The following GALNT1 variants were observed in gnomAD, a reference collection of about 807,000 sequenced individuals.
GALNT1 encodes the protein polypeptide N-acetylgalactosaminyltransferase 1.
A neutral mutation model predicts 65.7 loss-of-function variants in GALNT1; 17 were observed. That is an observed-to-expected ratio of 0.26 (90% CI 0.18 to 0.39). The LOEUF is 0.39. Among genes scored for constraint, GALNT1 ranks in the 10% least tolerant of loss-of-function variants. The pLI, the probability that GALNT1 is intolerant of heterozygous loss-of-function variation, is 1.00. For synonymous variants in GALNT1, 210 were observed against 219.7 expected (o/e 0.96, Z 0.39); for missense variants, 460 against 672.8 (o/e 0.68, Z 3.50).
chr18:35,581,152 C>G (rs1362015278), upstream of GALNT1: 1 of 151,720 alleles, frequency 6.6e-6, no homozygotes, highest in Non-Finnish European at 1.5e-5. Context: ...GCCCGGGAGC[C>G]GATCCGCTGT....
At chr18:35,693,066 T>C (rs2047994017) in intron 9 of GALNT1, among the ~76,000 whole-genome samples, 1 of 152,164 alleles carries the variant, frequency 6.6e-6, no homozygotes, top group Non-Finnish European at 1.5e-5. Context: ...ACACAATATG[T>C]CAGGTGGTGG....
At chr18:35,688,023 T>C (rs2144638070) in intron 6 of GALNT1, among the ~76,000 whole-genome samples, 1 of 152,316 alleles carries the variant, frequency 6.6e-6, no homozygotes, top group Non-Finnish European at 1.5e-5. Flanking sequence ...AAGGGACTTT[T>C]CTTCTCTTTA....
chr18:35,630,530 A>C (rs2046991805), intron 1 of GALNT1, among the ~76,000 whole-genome samples: 1 of 152,248 alleles, frequency 6.6e-6, no homozygotes, highest in South Asian at 2.1e-4. Flanking sequence ...AACATACCAG[A>C]ATCTCTGGGA....
chr18:35,674,982 CAAAAAAAAAAAAAA>C (rs150477892), intron 3 of GALNT1, among the ~76,000 whole-genome samples: 4 of 30,300 alleles, frequency 1.3e-4, no homozygotes, highest in African/African-American at 3.0e-4. Flanking sequence ...GACTCCGTCT[CAAAAAAAAAAAAAA>C]AAAAAAAAAA....
At chr18:35,638,523 A>G (rs902766746) in intron 1 of GALNT1, among the ~76,000 whole-genome samples, 1 of 149,550 alleles carries the variant, frequency 6.7e-6, no homozygotes, top group African/African-American at 2.5e-5. Flanking sequence ...GCCAGGTTCT[A>G]CTAAGTAAAC....
At chr18:35,652,285 T>A (rs1854093129) in intron 1 of GALNT1, among the ~76,000 whole-genome samples, 1 of 152,184 alleles carries the variant, frequency 6.6e-6, no homozygotes, top group Non-Finnish European at 1.5e-5. Flanking sequence ...GTGGACATTC[T>A]TTCTTTGTTA....
At chr18:35,642,305 G>T (rs2047174366) in intron 1 of GALNT1, among the ~76,000 whole-genome samples, 1 of 152,200 alleles carries the variant, frequency 6.6e-6, no homozygotes, top group Admixed American at 6.5e-5. Context: ...TGGATGCATG[G>T]ATGGATCCAA....
At chr18:35,610,612 T>A (rs1371274808) in intron 1 of GALNT1, among the ~76,000 whole-genome samples, 1 of 152,220 alleles carries the variant, frequency 6.6e-6, no homozygotes, top group Non-Finnish European at 1.5e-5. Context: ...CTTAATCCAG[T>A]AGTTCTCTAA....
intron 10 of GALNT1, 103 bp from the exon 11 acceptor site, chr18:35,703,406 C>T: frequency 9.5e-7 from 1 of 1,055,044 alleles, no homozygotes; most frequent in South Asian, 1.6e-5. Context: ...GTACATAAAT[C>T]ATGTACCTTG....
At chr18:35,648,371 G>A (rs523758) in intron 1 of GALNT1, among the ~76,000 whole-genome samples, 3,625 of 152,272 alleles carry the variant, frequency 0.024, 63 homozygotes, top group Middle Eastern at 0.037. Context: ...TTTAAGGTAG[G>A]CTAGGCTAAG....
intron 4 of GALNT1, among the ~76,000 whole-genome samples, chr18:35,682,963 ATTTG>A (rs1337727882): frequency 2.3e-4 from 35 of 151,510 alleles, no homozygotes; most frequent in East Asian, 1.7e-3. Context: ...CAACAAGACA[ATTTG>A]TTTGTGCTTC....
intron 1 of GALNT1, among the ~76,000 whole-genome samples, chr18:35,623,971 A>T (rs768100463): frequency 3.3e-5 from 5 of 152,030 alleles, no homozygotes; most frequent in Non-Finnish European, 5.9e-5. Context: ...TATACTGGAT[A>T]TTGTGGATAA....
chr18:35,688,173 CA>C (rs1209115349), intron 6 of GALNT1, among the ~76,000 whole-genome samples: 2 of 152,164 alleles, frequency 1.3e-5, no homozygotes, highest in East Asian at 3.8e-4. Flanking sequence ...ATTTAGCACA[CA>C]AAAAACTCAG....
At chr18:35,688,587 G>A (rs990774226) in intron 6 of GALNT1, among the ~76,000 whole-genome samples, 7 of 152,184 alleles carry the variant, frequency 4.6e-5, no homozygotes, top group African/African-American at 1.4e-4. Flanking sequence ...ATACCACACA[G>A]TCAGGAAGGA....
chr18:35,603,806 A>G (rs966713378), intron 1 of GALNT1, among the ~76,000 whole-genome samples: 1 of 152,162 alleles, frequency 6.6e-6, no homozygotes, highest in African/African-American at 2.4e-5. Context: ...GAGCCAGTAA[A>G]TTTCCTCGTG....
At chr18:35,618,366 C>G (rs986164863) in intron 1 of GALNT1, among the ~76,000 whole-genome samples, 1 of 152,062 alleles carries the variant, frequency 6.6e-6, no homozygotes, top group Admixed American at 6.6e-5. Context: ...AAGCTTGAGA[C>G]TAGACTGTAA....
intron 1 of GALNT1, among the ~76,000 whole-genome samples, chr18:35,618,028 T>C (rs1286466648): frequency 6.6e-6 from 1 of 150,768 alleles, no homozygotes; most frequent in African/African-American, 2.4e-5. Context: ...AAGACTGCTT[T>C]GCTGTTCTTT....
At chr18:35,622,027 G>A (rs1251040705) in intron 1 of GALNT1, among the ~76,000 whole-genome samples, 2 of 152,048 alleles carry the variant, frequency 1.3e-5, no homozygotes, top group African/African-American at 2.4e-5. Flanking sequence ...GTTTAAAATT[G>A]TAATGGCTTT....
At chr18:35,619,851 A>G (rs1338361051) in intron 1 of GALNT1, among the ~76,000 whole-genome samples, 1 of 152,204 alleles carries the variant, frequency 6.6e-6, no homozygotes, top group African/African-American at 2.4e-5. Context: ...ATCTCTGTTT[A>G]AAGTCTAGGA....
Sources: gnomAD v4.1 joint callset for allele counts (sites outside exome capture counted in the v4.1 genomes callset) on GRCh38, gnomAD v4.1.1 for gene constraint, MANE v1.5 for transcripts, NCBI Gene and HGNC (gene_info 2026-07-23, HGNC 2026-07-21) for gene names.